Variants in DYNC1I1 observed in about 807,000 individuals in gnomAD.
DYNC1I1 encodes cytoplasmic dynein 1 intermediate chain 1.
In DYNC1I1, 43 loss-of-function variants were observed where a neutral mutation model predicts 86.6. The observed-to-expected ratio is 0.50, with a 90% CI of 0.39 to 0.64. DYNC1I1 has a LOEUF of 0.64. Among genes scored for constraint, DYNC1I1 ranks in the 30% least tolerant of loss-of-function variants. The pLI is 0.00. For synonymous variants in DYNC1I1, 262 were observed against 283.7 expected (o/e 0.92, Z 0.77); for missense variants, 604 against 788.8 (o/e 0.77, Z 2.81).
intron 6 of DYNC1I1, among the ~76,000 whole-genome samples, chr7:95,953,697 G>A (rs1355719710): frequency 6.6e-6 from 1 of 152,220 alleles, no homozygotes; most frequent in East Asian, 1.9e-4. Flanking sequence ...AGGAAGCCGA[G>A]AAGATGGAAC....
chr7:95,999,381 C>G (rs1793954982), intron 10 of DYNC1I1, among the ~76,000 whole-genome samples: 1 of 152,172 alleles, frequency 6.6e-6, no homozygotes, highest in South Asian at 2.1e-4. Flanking sequence ...TCTTGGCAAT[C>G]TCTTTTAGAG....
At chr7:95,945,067 TA>T (rs968348816) in intron 6 of DYNC1I1, among the ~76,000 whole-genome samples, 2 of 151,196 alleles carry the variant, frequency 1.3e-5, no homozygotes, top group Admixed American at 6.6e-5. Context: ...AAAAAAATAA[TA>T]AAAAAATTAA....
At chr7:96,066,003 A>G (rs1789974165) in intron 14 of DYNC1I1, among the ~76,000 whole-genome samples, 1 of 152,224 alleles carries the variant, frequency 6.6e-6, no homozygotes, top group Non-Finnish European at 1.5e-5. Flanking sequence ...TGCACATTTA[A>G]TACATTAATA....
intron 14 of DYNC1I1, among the ~76,000 whole-genome samples, chr7:96,059,676 G>T (rs561575189): frequency 1.3e-5 from 2 of 152,274 alleles, no homozygotes; most frequent in African/African-American, 4.8e-5. Context: ...GGGTGACTAG[G>T]ACAGTCTGCC....
chr7:95,928,325 T>C (rs1474505190), intron 6 of DYNC1I1, among the ~76,000 whole-genome samples: 1 of 152,196 alleles, frequency 6.6e-6, no homozygotes, highest in Non-Finnish European at 1.5e-5. Flanking sequence ...AGACCTAAGT[T>C]ACTTTATTTC....
chr7:95,793,051 A>T (rs1794346307), intron 1 of DYNC1I1, among the ~76,000 whole-genome samples: 1 of 152,088 alleles, frequency 6.6e-6, no homozygotes, highest in Non-Finnish European at 1.5e-5. Flanking sequence ...CCCAAATCTG[A>T]TGGGTACACT....
intron 6 of DYNC1I1, among the ~76,000 whole-genome samples, chr7:95,946,909 G>C (rs903549598): frequency 2.6e-5 from 4 of 152,172 alleles, no homozygotes; most frequent in Non-Finnish European, 5.9e-5. Flanking sequence ...TGGTTGGGAG[G>C]AGAGTGCTCT....
chr7:96,072,787 A>T (rs1294360254), intron 14 of DYNC1I1, among the ~76,000 whole-genome samples: 1 of 152,210 alleles, frequency 6.6e-6, no homozygotes, highest in Non-Finnish European at 1.5e-5. Context: ...AAATTTTAAT[A>T]CTTCAAAATA....
At chr7:95,810,272 A>G (rs1352053408) in intron 2 of DYNC1I1, 120 bp from the exon 3 acceptor site, 1 of 621,088 alleles carries the variant, frequency 1.6e-6, no homozygotes, top group Non-Finnish European at 2.6e-6. Context: ...ACATGTGATT[A>G]TATCTATTTA....
chr7:95,949,192 G>T (rs1247769748), intron 6 of DYNC1I1, among the ~76,000 whole-genome samples: 1 of 152,196 alleles, frequency 6.6e-6, no homozygotes, highest in Non-Finnish European at 1.5e-5. Context: ...AGGAGAGTGT[G>T]GGCAAGGTTA....
intron 14 of DYNC1I1, among the ~76,000 whole-genome samples, chr7:96,066,184 A>T (rs142495197): frequency 6.6e-6 from 1 of 152,164 alleles, no homozygotes; most frequent in Non-Finnish European, 1.5e-5. Flanking sequence ...TGGGAATACC[A>T]TACTGACTTA....
rs140261879 is a variant in DYNC1I1, at chr7:96,079,435, A to T, written c.1651-928A>T. On this transcript the variant is annotated intron_variant, in intron 15 of 16. Coordinates refer to ENST00000447467, the MANE Select transcript of DYNC1I1 (RefSeq NM_001135556.2). ...AAAAGGCTCAAGAGATCTGAGCTTT[A>T]TGTCAATTATAAACTTCTAACCTTG... Among the ~76,000 whole-genome samples the T allele has an allele frequency of 2.3e-3, 347 of 152,276 alleles. 2 individuals are homozygous for T. Among genetic ancestry groups the T allele is most frequent in the African/African-American group, 8.0e-3 (334 of 41,562 alleles).
chr7:96,081,715 T>C (rs1790524963), intron 16 of DYNC1I1, among the ~76,000 whole-genome samples: 1 of 152,204 alleles, frequency 6.6e-6, no homozygotes, highest in Non-Finnish European at 1.5e-5. Flanking sequence ...TATGGTTTCA[T>C]CAATCAGCAT....
chr7:95,910,033 A>G (rs968336864), intron 6 of DYNC1I1, among the ~76,000 whole-genome samples: 2 of 152,200 alleles, frequency 1.3e-5, no homozygotes, highest in Non-Finnish European at 2.9e-5. Context: ...GGCCACTGCA[A>G]GAATCTCCTT....
At chr7:96,027,105 T>C in intron 10 of DYNC1I1, among the ~76,000 whole-genome samples, 1 of 152,198 alleles carries the variant, frequency 6.6e-6, no homozygotes, top group East Asian at 1.9e-4. Flanking sequence ...AAAGGCACCG[T>C]ATGGACTGGT....
chr7:95,798,542 GTT>G lies in DYNC1I1; in HGVS notation c.-9-6176_-9-6175del, dbSNP rs1794501828. 2.0e-5 allele frequency among the ~76,000 whole-genome samples: 3 copies of G among 152,126 alleles called. No individual in the cohort carries two copies. The South Asian group carries it at 6.2e-4, about 32-fold the overall frequency. ...TAGTGAAGAGCTGACAAGAGCAATTGTTTTCAGGCAGGAAAAGAAAACTTATT... is the reference window on the plus strand; with the variant it reads ...TAGTGAAGAGCTGACAAGAGCAATTGTTCAGGCAGGAAAAGAAAACTTATT... On this transcript the variant is annotated intron_variant, in intron 1 of 16. Coordinates refer to ENST00000447467, the MANE Select transcript of DYNC1I1 (RefSeq NM_001135556.2).
intron 14 of DYNC1I1, among the ~76,000 whole-genome samples, chr7:96,064,247 T>TCTCC (rs1789888217): frequency 7.1e-6 from 1 of 140,782 alleles, no homozygotes; most frequent in South Asian, 2.3e-4. Flanking sequence ...TCTCTCTCTC[T>TCTCC]CCCTCTCTCA....
intron 10 of DYNC1I1, among the ~76,000 whole-genome samples, chr7:96,025,848 G>GA (rs1216728749): frequency 1.3e-5 from 2 of 151,330 alleles, no homozygotes; most frequent in East Asian, 3.9e-4. Context: ...TGCGGGGGGG[G>GA]GATATTTGCT....
chr7:96,079,341 CTTTATGT>C (rs1445548198), intron 15 of DYNC1I1, among the ~76,000 whole-genome samples: 1 of 152,016 alleles, frequency 6.6e-6, no homozygotes, highest in African/African-American at 2.4e-5. Context: ...TGTATTTTTT[CTTTATGT>C]TTTAATATTT....
Sources: gnomAD v4.1 joint callset for allele counts (sites outside exome capture counted in the v4.1 genomes callset) on GRCh38, gnomAD v4.1.1 for gene constraint, MANE v1.5 for transcripts, NCBI Gene and HGNC (gene_info 2026-07-23, HGNC 2026-07-21) for gene names.